The following GRIA1 variants were observed in gnomAD, a reference collection of about 807,000 sequenced individuals.
The protein encoded by GRIA1 is glutamate receptor 1.
In GRIA1, 31 loss-of-function variants were observed where a neutral mutation model predicts 99.2. The ratio of observed to expected loss-of-function variants is 0.31; its 90% CI spans 0.23 to 0.42. The LOEUF (loss-of-function observed/expected upper bound fraction) is 0.42, where lower values mean the gene tolerates loss of function less well. Ranked by LOEUF, GRIA1 falls within the 10% of genes least tolerant of loss-of-function variation. The pLI is 1.00. For synonymous variants in GRIA1, 438 were observed against 432.4 expected, an observed-to-expected ratio of 1.01 and a Z score of -0.16; for missense variants, 782 against 1,157.5, an observed-to-expected ratio of 0.68 and a Z score of 4.71.
At chr5:153,788,808 T>C (rs1003129368) in intron 13 of GRIA1, among the ~76,000 whole-genome samples, 2 of 152,084 alleles carry the variant, frequency 1.3e-5, no homozygotes, top group African/African-American at 4.8e-5. Flanking sequence ...TTAAAGAGGG[T>C]TTATGGCAAA....
intron 10 of GRIA1, among the ~76,000 whole-genome samples, chr5:153,700,392 G>C (rs1758431931): frequency 6.6e-6 from 1 of 152,018 alleles, no homozygotes; most frequent in African/African-American, 2.4e-5. Flanking sequence ...TCTCAAAAAT[G>C]ATAATAAAAA....
intron 11 of GRIA1, among the ~76,000 whole-genome samples, chr5:153,725,063 A>G (rs1251874888): frequency 6.6e-6 from 1 of 152,234 alleles, no homozygotes; most frequent in East Asian, 1.9e-4. Context: ...CAGAAACTCT[A>G]CAAGCCAGAA....
chr5:153,678,091 T>C (rs1002552076), intron 7 of GRIA1, among the ~76,000 whole-genome samples: 3 of 152,192 alleles, frequency 2.0e-5, no homozygotes, highest in Non-Finnish European at 4.4e-5. Flanking sequence ...CAAATGTCCC[T>C]CAGGACCCAC....
intron 2 of GRIA1, among the ~76,000 whole-genome samples, chr5:153,508,207 G>A (rs1755724005): frequency 1.3e-5 from 2 of 152,204 alleles, no homozygotes; most frequent in Admixed American, 6.5e-5. Flanking sequence ...TATTTTAACT[G>A]AGCCTTGTTG....
At chr5:153,625,525 T>C (rs1383282353) in intron 2 of GRIA1, among the ~76,000 whole-genome samples, 1 of 152,184 alleles carries the variant, frequency 6.6e-6, no homozygotes, top group Non-Finnish European at 1.5e-5. Flanking sequence ...CTCTCTCTGA[T>C]ACCACGGCAC....
chr5:153,691,539 A>G (rs1298442902), intron 8 of GRIA1, among the ~76,000 whole-genome samples: 1 of 152,200 alleles, frequency 6.6e-6, no homozygotes, highest in African/African-American at 2.4e-5. Flanking sequence ...TGGGCAGGAA[A>G]CAAGACTAAA....
chr5:153,504,630 AG>A (rs1375141578), intron 2 of GRIA1, among the ~76,000 whole-genome samples: 1 of 152,088 alleles, frequency 6.6e-6, no homozygotes, highest in Admixed American at 6.6e-5. Context: ...GACAGGCAAA[AG>A]GTCTGAAATT....
chr5:153,767,799 A>T (rs1346806092), intron 12 of GRIA1, among the ~76,000 whole-genome samples: 1 of 152,180 alleles, frequency 6.6e-6, no homozygotes, highest in African/African-American at 2.4e-5. Context: ...GCTGCGGATG[A>T]TAGGAGAGAT....
At chr5:153,746,553 G>A (rs1364030077) in intron 11 of GRIA1, among the ~76,000 whole-genome samples, 1 of 152,162 alleles carries the variant, frequency 6.6e-6, no homozygotes, top group African/African-American at 2.4e-5. Flanking sequence ...TTTGGCCACA[G>A]ATGACAATGC....
At chr5:153,671,458 G>A (rs1480299376) in intron 5 of GRIA1, among the ~76,000 whole-genome samples, 2 of 152,166 alleles carry the variant, frequency 1.3e-5, no homozygotes, top group Non-Finnish European at 2.9e-5. Flanking sequence ...CTCTTAGATG[G>A]TATAACGTCT....
intron 1 of GRIA1, chr5:153,492,377 T>C: frequency 7.2e-7 from 1 of 1,386,172 alleles, no homozygotes; most frequent in Non-Finnish European, 9.6e-7. Flanking sequence ...ACTTCCCTTG[T>C]AGCCCAGCCC....
At chr5:153,646,218 G>T (rs1336635191) in intron 2 of GRIA1, among the ~76,000 whole-genome samples, 1 of 152,310 alleles carries the variant, frequency 6.6e-6, no homozygotes, top group East Asian at 1.9e-4. Context: ...ACACTGGGGG[G>T]TCTGAAAATC....
intron 2 of GRIA1, among the ~76,000 whole-genome samples, chr5:153,639,246 G>A (rs1753613050): frequency 6.6e-6 from 1 of 152,232 alleles, no homozygotes; most frequent in South Asian, 2.1e-4. Flanking sequence ...TTAGGCCAAA[G>A]TGATGCTAGA....
At chr5:153,605,716 T>C (rs540269297) in intron 2 of GRIA1, among the ~76,000 whole-genome samples, 3 of 152,242 alleles carry the variant, frequency 2.0e-5, no homozygotes, top group Non-Finnish European at 2.9e-5. Flanking sequence ...GATTTTAATT[T>C]GTATTTCTCT....
intron 13 of GRIA1, among the ~76,000 whole-genome samples, chr5:153,774,689 A>G (rs1285545789): frequency 6.6e-6 from 1 of 152,172 alleles, no homozygotes. Context: ...CCTGCCTAGA[A>G]CAAGCTCCAG....
intron 2 of GRIA1, among the ~76,000 whole-genome samples, chr5:153,531,412 C>T (rs1431695212): frequency 1.3e-5 from 2 of 152,184 alleles, no homozygotes; most frequent in Non-Finnish European, 2.9e-5. Context: ...CTCTGAAGTC[C>T]AACCCCAAAC....
At chr5:153,672,076 G>A (rs1370564817) in intron 5 of GRIA1, among the ~76,000 whole-genome samples, 1 of 152,182 alleles carries the variant, frequency 6.6e-6, no homozygotes, top group Non-Finnish European at 1.5e-5. Flanking sequence ...GCAGAGAAGG[G>A]AAGTCTGCCT....
intron 14 of GRIA1, among the ~76,000 whole-genome samples, chr5:153,797,797 G>C (rs1364840126): frequency 6.6e-6 from 1 of 152,168 alleles, no homozygotes; most frequent in African/African-American, 2.4e-5. Flanking sequence ...TATTTGCCTT[G>C]CTGATTATTA....
chr5:153,805,495 C>A (rs1264480129), intron 15 of GRIA1, among the ~76,000 whole-genome samples: 2 of 152,160 alleles, frequency 1.3e-5, no homozygotes, highest in African/African-American at 4.8e-5. Context: ...GAATTACAAA[C>A]AATATCATCC....
Sources: gnomAD v4.1 joint callset for allele counts (sites outside exome capture counted in the v4.1 genomes callset) on GRCh38, gnomAD v4.1.1 for gene constraint, MANE v1.5 for transcripts, NCBI Gene and HGNC (gene_info 2026-07-23, HGNC 2026-07-21) for gene names.